The following STRN3 variants were observed in gnomAD, a reference collection of about 807,000 sequenced individuals.
STRN3 encodes the protein striatin 3, also known as striatin-3.
STRN3 carries 29 observed loss-of-function variants against 95.6 expected under a neutral mutation model. The observed-to-expected ratio is 0.30, with a 90% CI of 0.23 to 0.41. STRN3 has a LOEUF of 0.41. Among genes scored for constraint, STRN3 ranks in the 10% least tolerant of loss-of-function variants. The probability of loss-of-function intolerance (pLI) is 1.00; values close to 1 mark genes in which losing one functional copy is unlikely to be tolerated. For synonymous variants in STRN3, 331 were observed against 357.6 expected, an observed-to-expected ratio of 0.93 and a Z score of 0.84; for missense variants, 890 against 972.1, an observed-to-expected ratio of 0.92 and a Z score of 1.12.
At chr14:30,993,268 A>AC (rs1882048594) in intron 1 of STRN3, among the ~76,000 whole-genome samples, 3 of 151,736 alleles carry the variant, frequency 2.0e-5, no homozygotes, top group South Asian at 2.1e-4. Flanking sequence ...AAAAAAAAAA[A>AC]AACCCACAAA....
intron 1 of STRN3, among the ~76,000 whole-genome samples, chr14:30,981,022 TTCTGTCCAGGCATGGTGCC>T (rs1166874795): frequency 1.3e-5 from 2 of 152,036 alleles, no homozygotes; most frequent in East Asian, 3.9e-4. Flanking sequence ...ACAGTAGGTT[TTCTGTCCAGGCATGGTGCC>T]TCATGCCTGT....
At position 30,956,156 on chromosome 14, in the gene STRN3, A is replaced by G. The variant is rs770413310; in HGVS notation, c.369T>C (p.Tyr123=). 1.2e-6 allele frequency: 2 copies of G among 1,613,672 alleles called. No individual in the cohort carries two copies. The highest frequency in any genetic ancestry group is 1.7e-5 in the Admixed American group (1 of 60,002). Residue 123 remains tyrosine, a synonymous_variant, in exon 2 of 18, where the codon TAT becomes TAC. Coordinates refer to ENST00000357479, the MANE Select transcript of STRN3 (RefSeq NM_001083893.2). ...ACACATACCTTTCTTGTTTTAATGCATACTCTAACATCTTTATTCTTCTTA... is the reference window on the plus strand; with the variant it reads ...ACACATACCTTTCTTGTTTTAATGCGTACTCTAACATCTTTATTCTTCTTA... ...DLVRRIKMLE[Y]ALKQERAKYH...
chr14:30,994,738 T>C (rs932133006), intron 1 of STRN3, among the ~76,000 whole-genome samples: 1 of 152,266 alleles, frequency 6.6e-6, no homozygotes, highest in Non-Finnish European at 1.5e-5. Context: ...CACCACAAGA[T>C]ATCTTTTAAG....
intron 7 of STRN3, among the ~76,000 whole-genome samples, chr14:30,931,326 T>C (rs549631174): frequency 6.6e-6 from 1 of 152,114 alleles, no homozygotes; most frequent in African/African-American, 2.4e-5. Flanking sequence ...ATCCTTTTTT[T>C]AAAAAATCTA....
intron 14 of STRN3, among the ~76,000 whole-genome samples, chr14:30,906,057 A>C (rs998872940): frequency 6.6e-6 from 1 of 152,188 alleles, no homozygotes; most frequent in Non-Finnish European, 1.5e-5. Flanking sequence ...GCAGTACTTT[A>C]CCCTAAAATG....
chr14:31,018,708 CA>C, intron 1 of STRN3: 6 of 453,046 alleles, frequency 1.3e-5, no homozygotes, highest in Non-Finnish European at 2.2e-5. Flanking sequence ...GATAAACTTG[CA>C]AAAAAAGCGT....
intron 4 of STRN3, among the ~76,000 whole-genome samples, chr14:30,949,169 T>C (rs17448027): frequency 0.029 from 4,456 of 152,356 alleles, 79 homozygotes; most frequent in Non-Finnish European, 0.045. Flanking sequence ...TGGTTGTTCA[T>C]TATTTCCTTC....
At chr14:30,980,760 T>C (rs1307731626) in intron 1 of STRN3, among the ~76,000 whole-genome samples, 1 of 152,114 alleles carries the variant, frequency 6.6e-6, no homozygotes, top group Non-Finnish European at 1.5e-5. Flanking sequence ...TTCACAAAAT[T>C]TGTTCTATTG....
At chr14:30,971,195 G>T (rs1009210670) in intron 1 of STRN3, among the ~76,000 whole-genome samples, 10 of 152,220 alleles carry the variant, frequency 6.6e-5, no homozygotes, top group Non-Finnish European at 1.5e-5. Context: ...TGGTGGTATT[G>T]TGGTGGACCT....
rs1896100071 is a variant in STRN3 at position 30,895,070 on chromosome 14, AAAAAAAAAAGAAGAAGAAGAAGAG to A, written c.*317_*340del. On this transcript the variant is annotated 3_prime_UTR_variant, in exon 18 of 18. Transcript: ENST00000357479. ...ACAGAGTCCAAAAAAAAAAAAAAAAAAAAAAAAAAGAAGAAGAAGAAGAGAAAAAAAAAAACTTTTTTGAAAGAT... is the reference window on the plus strand; with the variant it reads ...ACAGAGTCCAAAAAAAAAAAAAAAAAAAAAAAAAAAACTTTTTTGAAAGAT... 9.2e-6 allele frequency: 2 copies of A among 217,998 alleles called. No individual in the cohort carries two copies. Among genetic ancestry groups the A allele is most frequent in the African/African-American group, 4.8e-5 (2 of 41,428 alleles). 13.5% of individuals were successfully genotyped at this position (217,998 alleles called of 1,614,324 possible).
chr14:30,925,304 AGCACTTTT>A (rs1336972367), intron 8 of STRN3, among the ~76,000 whole-genome samples: 3 of 152,130 alleles, frequency 2.0e-5, no homozygotes, highest in African/African-American at 7.2e-5. Context: ...ACTTTAACTT[AGCACTTTT>A]AACTTAGCAT....
chr14:30,952,548 A>G (rs1879698312), intron 3 of STRN3, among the ~76,000 whole-genome samples: 1 of 151,876 alleles, frequency 6.6e-6, no homozygotes, highest in South Asian at 2.1e-4. Context: ...AAAAATGCAA[A>G]AATTAGCCAG....
At chr14:31,022,493 CTACA>C (rs1883551258) in intron 1 of STRN3, among the ~76,000 whole-genome samples, 1 of 151,662 alleles carries the variant, frequency 6.6e-6, no homozygotes, top group African/African-American at 2.4e-5. Flanking sequence ...AATCCACTTA[CTACA>C]TACAAACTAT....
intron 16 of STRN3, 114 bp from the exon 17 acceptor site, chr14:30,895,862 T>C (rs2138926723): frequency 3.5e-6 from 3 of 846,090 alleles, no homozygotes; most frequent in South Asian, 3.7e-5. Context: ...TTTTTTATTG[T>C]GGTAAAATAT....
intron 1 of STRN3, chr14:31,014,813 T>TTA: frequency 2.7e-6 from 1 of 368,594 alleles, no homozygotes. Flanking sequence ...AAAACCACTT[T>TTA]AAAAAAAAAA....
At chr14:30,974,229 G>GT (rs1880974965) in intron 1 of STRN3, among the ~76,000 whole-genome samples, 1 of 152,074 alleles carries the variant, frequency 6.6e-6, no homozygotes, top group African/African-American at 2.4e-5. Flanking sequence ...ATCCAGCAAA[G>GT]TAACAGAATA....
chr14:30,956,062 C>G, intron 2 of STRN3, 77 bp downstream of exon 2: 1 of 1,286,562 alleles, frequency 7.8e-7, no homozygotes. Context: ...AAAAAGCTGC[C>G]AAATACAGAG....
At chr14:30,970,567 G>GT (rs1880777893) in intron 1 of STRN3, among the ~76,000 whole-genome samples, 1 of 152,038 alleles carries the variant, frequency 6.6e-6, no homozygotes, top group Non-Finnish European at 1.5e-5. Context: ...CAGTTTTATG[G>GT]TATGGGGGCT....
chr14:30,956,080 G>A lies in STRN3; in HGVS notation c.386+59C>T, dbSNP rs924413091. On this transcript the variant is annotated intron_variant, in intron 2 of 17. Coordinates refer to ENST00000357479, the MANE Select transcript of STRN3 (RefSeq NM_001083893.2). The stretch of plus-strand genomic sequence containing the variant: ...AAGCTGCCAAATACAGAGTACAATG[G>A]TATACATGAGTATACTATTGTTCTA... 13 of 1,432,096 alleles carry A rather than the reference G, an allele frequency of 9.1e-6. No homozygotes were observed. In the Admixed American group the frequency reaches 1.7e-4, roughly 19 times the overall value. The allele number at this position is 1,432,096 out of a possible 1,614,324, so 88.7% of individuals were successfully genotyped here.
Sources: gnomAD v4.1 joint callset for allele counts (sites outside exome capture counted in the v4.1 genomes callset) on GRCh38, gnomAD v4.1.1 for gene constraint, MANE v1.5 for transcripts, NCBI Gene and HGNC (gene_info 2026-07-23, HGNC 2026-07-21) for gene names.